CXADR: variants seen among roughly 807,000 people sequenced by gnomAD.
The protein encoded by CXADR is coxsackievirus and adenovirus receptor.
Under a neutral mutation model 40.3 loss-of-function variants are expected in CXADR, and 20 were observed. The observed-to-expected ratio is 0.50, with a 90% confidence interval of 0.35 to 0.72. CXADR has a LOEUF of 0.72. Among genes scored for constraint, CXADR ranks in the 30% least tolerant of loss-of-function variants. The pLI, the probability that CXADR is intolerant of heterozygous loss-of-function variation, is 0.01. For missense variants in CXADR, 332 were observed against 449.1 expected, an observed-to-expected ratio of 0.74 and a Z score of 2.36; for synonymous variants, 150 against 161.3, an observed-to-expected ratio of 0.93 and a Z score of 0.53.
intron 1 of CXADR, among the ~76,000 whole-genome samples, chr21:17,529,416 G>A (rs2060641372): frequency 6.6e-6 from 1 of 152,106 alleles, no homozygotes; most frequent in Non-Finnish European, 1.5e-5. Flanking sequence ...TGCCTCCCGG[G>A]TTCAAGTGAT....
chr21:17,583,506 T>A (rs2061375026), intron 7 of CXADR, among the ~76,000 whole-genome samples: 1 of 152,232 alleles, frequency 6.6e-6, no homozygotes, highest in Non-Finnish European at 1.5e-5. Flanking sequence ...CATATATGTA[T>A]AACTGTTGTA....
At chr21:17,591,407 AT>A (rs986703449) in intron 7 of CXADR, among the ~76,000 whole-genome samples, 7 of 151,992 alleles carry the variant, frequency 4.6e-5, no homozygotes, top group African/African-American at 1.7e-4. Flanking sequence ...AGGTGTTTGT[AT>A]TTTTCCCTCT....
the CXADR span, among the ~76,000 whole-genome samples, chr21:17,631,673 A>G: frequency 6.6e-6 from 1 of 151,924 alleles, no homozygotes; most frequent in Admixed American, 6.6e-5. Context: ...ACATGACAGT[A>G]TTAATGATTT....
chr21:17,536,260 T>C (rs77122585), intron 1 of CXADR, among the ~76,000 whole-genome samples: 1,902 of 152,348 alleles, frequency 0.012, 42 homozygotes, highest in African/African-American at 0.043. Context: ...CAACTATACA[T>C]AAAGTAGCAT....
At chr21:17,539,342 G>T in intron 1 of CXADR, among the ~76,000 whole-genome samples, 1 of 151,160 alleles carries the variant, frequency 6.6e-6, no homozygotes, top group Admixed American at 6.6e-5. Context: ...TAAAACTGTC[G>T]CTGGTTTGTG....
chr21:17,589,828 CAAG>C (rs1256074166), intron 7 of CXADR, among the ~76,000 whole-genome samples: 1 of 152,024 alleles, frequency 6.6e-6, no homozygotes, highest in African/African-American at 2.4e-5. Context: ...ATATATACTT[CAAG>C]AAGGTGTAAC....
chr21:17,576,847 G>A (rs1672024421), intron 7 of CXADR: 1 of 152,108 alleles, frequency 6.6e-6, no homozygotes, highest in Non-Finnish European at 1.5e-5. Flanking sequence ...CACAGTTACA[G>A]GTCAAGCTCT....
At chr21:17,540,867 C>T (rs577252564) in intron 1 of CXADR, among the ~76,000 whole-genome samples, 5 of 152,142 alleles carry the variant, frequency 3.3e-5, no homozygotes, top group South Asian at 2.1e-4. Flanking sequence ...TTTTAACCAC[C>T]GTCAATTTTA....
At chr21:17,634,254 G>A in the CXADR span, among the ~76,000 whole-genome samples, 1 of 152,126 alleles carries the variant, frequency 6.6e-6, no homozygotes, top group East Asian at 1.9e-4. Flanking sequence ...CTATATGGGG[G>A]GGATCCTTCA....
chr21:17,519,914 G>A (rs536928409), intron 1 of CXADR, among the ~76,000 whole-genome samples: 4 of 151,956 alleles, frequency 2.6e-5, no homozygotes, highest in African/African-American at 4.8e-5. Flanking sequence ...AGCTGAGATC[G>A]CGCCACTGCA....
At chr21:17,635,753 AG>A in the CXADR span, among the ~76,000 whole-genome samples, 1 of 152,184 alleles carries the variant, frequency 6.6e-6, no homozygotes, top group Admixed American at 6.5e-5. Context: ...TTTTCTTCCA[AG>A]TTGTTTTGTC....
chr21:17,560,989 A>G, intron 5 of CXADR, among the ~76,000 whole-genome samples, 165 bp downstream of exon 5: 1 of 152,332 alleles, frequency 6.6e-6, no homozygotes, highest in East Asian at 1.9e-4. Context: ...TATTAAAAAA[A>G]CTTCATAATT....
intron 7 of CXADR, among the ~76,000 whole-genome samples, chr21:17,577,421 CTT>C (rs1361079830): frequency 1.3e-5 from 2 of 151,934 alleles, no homozygotes; most frequent in Admixed American, 6.6e-5. Flanking sequence ...CGTTCCATAA[CTT>C]ATCATTTTCT....
At chr21:17,538,443 A>G (rs1319389495) in intron 1 of CXADR, among the ~76,000 whole-genome samples, 1 of 152,014 alleles carries the variant, frequency 6.6e-6, no homozygotes, top group Non-Finnish European at 1.5e-5. Context: ...CTTGAGGGAG[A>G]ATTAAGGTGT....
At chr21:17,622,873 C>T in the CXADR span, among the ~76,000 whole-genome samples, 1 of 152,144 alleles carries the variant, frequency 6.6e-6, no homozygotes, top group Non-Finnish European at 1.5e-5. Flanking sequence ...TGTTTCAGAG[C>T]AACAACTATT....
chr21:17,567,693 T>C lies in CXADR; in HGVS notation c.*2001T>C. On this transcript the variant is annotated 3_prime_UTR_variant, in exon 7 of 7. Coordinates refer to ENST00000284878, the MANE Select transcript of CXADR (RefSeq NM_001338.5). Reference sequence around the variant, plus strand: ...TGAAAGTCAGATGTTTGGCCTGTTTTATATGAATAAAGTTTATTTATAAAA... The same window carrying C: ...TGAAAGTCAGATGTTTGGCCTGTTTCATATGAATAAAGTTTATTTATAAAA... 1 of 900,526 alleles carries C rather than the reference T, an allele frequency of 1.1e-6. No homozygotes were observed. Among genetic ancestry groups the C allele is most frequent in the Non-Finnish European group, 1.3e-6 (1 of 752,014 alleles). 55.8% of individuals were successfully genotyped at this position (900,526 alleles called of 1,614,324 possible). A position where few individuals can be genotyped will look rare whatever the true frequency, so the allele number is the denominator to read the frequency against.
intron 1 of CXADR, among the ~76,000 whole-genome samples, chr21:17,534,007 AATATATAT>A (rs5842646): frequency 1.1e-5 from 1 of 87,916 alleles, no homozygotes; most frequent in African/African-American, 3.5e-5. Context: ...CTTTCTCAGC[AATATATAT>A]ATATATATAT....
chr21:17,600,901 T>C, the CXADR span, among the ~76,000 whole-genome samples: 23 of 152,228 alleles, frequency 1.5e-4, no homozygotes, highest in East Asian at 2.1e-3. Context: ...CGGTGGCTCA[T>C]GCCTGTAATC....
intron 1 of CXADR, 94 bp downstream of exon 1, chr21:17,513,266 G>T: frequency 2.5e-6 from 3 of 1,222,960 alleles, no homozygotes; most frequent in African/African-American, 1.6e-5. Flanking sequence ...GGGGGAGGGG[G>T]CGGGCGCGAT....
Sources: allele counts gnomAD v4.1 joint callset (sites outside exome capture counted in the v4.1 genomes callset), GRCh38; gene constraint gnomAD v4.1.1; transcripts MANE v1.5; gene names NCBI Gene and HGNC (gene_info 2026-07-23, HGNC 2026-07-21).